Variants in MEGF10 observed in about 807,000 individuals in gnomAD.
MEGF10 encodes the protein multiple epidermal growth factor-like domains protein 10.
A neutral mutation model predicts 147.5 loss-of-function variants in MEGF10; 86 were observed. That is an observed-to-expected ratio of 0.58 (90% CI 0.49 to 0.70). The LOEUF is 0.70. Ranked by LOEUF, MEGF10 falls within the 30% of genes least tolerant of loss-of-function variation. The pLI, the probability that MEGF10 is intolerant of heterozygous loss-of-function variation, is 0.00. For synonymous variants in MEGF10, 478 were observed against 525.5 expected (o/e 0.91, Z 1.24); for missense variants, 1,329 against 1,487.3 (o/e 0.89, Z 1.75).
intron 19 of MEGF10, chr5:127,444,463 A>G (rs1410829697): frequency 6.6e-6 from 1 of 152,210 alleles, no homozygotes; most frequent in East Asian, 1.9e-4. Context: ...GTCCTTCAGC[A>G]TTTAGAATCA....
chr5:127,411,284 A>T (rs1322214161), intron 9 of MEGF10, among the ~76,000 whole-genome samples: 1 of 152,188 alleles, frequency 6.6e-6, no homozygotes, highest in African/African-American at 2.4e-5. Context: ...CAGGGACCAG[A>T]TACACATAAC....
intron 7 of MEGF10, among the ~76,000 whole-genome samples, chr5:127,400,542 G>A (rs1037811969): frequency 1.3e-5 from 2 of 152,226 alleles, no homozygotes; most frequent in Admixed American, 6.5e-5. Flanking sequence ...CCTTTTGCCA[G>A]TGTTGGTCTT....
chr5:127,331,494 A>C lies in MEGF10; in HGVS notation c.116+70A>C, dbSNP rs998148452. On this transcript the variant is annotated intron_variant, in intron 2 of 24. Transcript: ENST00000503335. ...CCCTTATATACTGTAATTATCAGTC[A>C]GATGTATAAAATTAGAATTTGTGAA... 4 of 829,252 alleles carry C rather than the reference A, an allele frequency of 4.8e-6. No individual in the cohort carries two copies. In the African/African-American group the frequency reaches 5.2e-5, roughly 11 times the overall value. 51.4% of individuals were successfully genotyped at this position (829,252 alleles called of 1,614,324 possible).
chr5:127,259,504 A>G, the MEGF10 span, among the ~76,000 whole-genome samples: 2 of 152,134 alleles, frequency 1.3e-5, no homozygotes, highest in South Asian at 4.1e-4. Flanking sequence ...CCTAGAAACT[A>G]TCTGGTTCCT....
intron 4 of MEGF10, among the ~76,000 whole-genome samples, chr5:127,359,742 T>C (rs1355007048): frequency 2.6e-5 from 4 of 152,154 alleles, no homozygotes; most frequent in Admixed American, 6.5e-5. Context: ...TAGGATTCTA[T>C]TGTATAGCTA....
At chr5:127,339,638 A>G (rs565321238) in intron 3 of MEGF10, among the ~76,000 whole-genome samples, 2 of 152,254 alleles carry the variant, frequency 1.3e-5, no homozygotes, top group African/African-American at 4.8e-5. Context: ...TTTTTTTTCT[A>G]TAAATGTGAA....
intron 9 of MEGF10, among the ~76,000 whole-genome samples, chr5:127,414,467 C>T (rs952015689): frequency 6.6e-6 from 1 of 152,102 alleles, no homozygotes; most frequent in Middle Eastern, 3.2e-3. Context: ...TGTGCGTTCA[C>T]TTACAATATC....
intron 4 of MEGF10, among the ~76,000 whole-genome samples, chr5:127,356,864 G>C (rs1762297187): frequency 6.6e-6 from 1 of 152,132 alleles, no homozygotes; most frequent in Admixed American, 6.6e-5. Context: ...CCTATTAAAG[G>C]CTCTGGGAAT....
rs545285733 is a variant in MEGF10 at position 127,359,565 on chromosome 5, A to T, written c.320-10345A>T. Among the ~76,000 whole-genome samples, 123 of 152,144 alleles carry T rather than the reference A, an allele frequency of 8.1e-4. No homozygotes were observed. In the Middle Eastern group the frequency reaches 0.024, roughly 29 times the overall value. The stretch of plus-strand genomic sequence containing the variant: ...CCCCTCCCTGCTCAGGCAACCATTG[A>T]TCAGCTTTCTGTCACTCTAGATTGC... On this transcript the variant is annotated intron_variant, in intron 4 of 24. Transcript: ENST00000503335.
rs997154382 is a variant in MEGF10 at position 127,460,170 on chromosome 5, T to C, written c.*2852T>C. 15 of 152,288 alleles carry C rather than the reference T, an allele frequency of 9.8e-5. No individual in the cohort carries two copies. In the East Asian group the frequency reaches 2.9e-3, roughly 29 times the overall value. The allele number at this position is 152,288 out of a possible 1,614,324, so 9.4% of individuals were successfully genotyped here. A position where few individuals can be genotyped will look rare whatever the true frequency, so the allele number is the denominator to read the frequency against. On this transcript the variant is annotated 3_prime_UTR_variant, in exon 25 of 25. Coordinates refer to ENST00000503335, the MANE Select transcript of MEGF10 (RefSeq NM_001256545.2). ...TTTAGAGATACTTAGCAAATGCCAT[T>C]CATATAGTATTGTTAGCCAAACTAT... is the stretch of plus-strand genomic sequence containing the variant.
At chr5:127,405,174 C>T (rs754765027) in intron 8 of MEGF10, among the ~76,000 whole-genome samples, 2 of 152,098 alleles carry the variant, frequency 1.3e-5, no homozygotes, top group Admixed American at 6.5e-5. Flanking sequence ...AGTTTGAGTG[C>T]TGTTTACAAG....
chr5:127,438,642 G>A (rs995361292), intron 17 of MEGF10, 75 bp downstream of exon 17: 34 of 1,521,418 alleles, frequency 2.2e-5, no homozygotes, highest in African/African-American at 1.5e-4. Context: ...CTCCGCATGC[G>A]TGACTGGAGC....
At chr5:127,442,669 A>C (rs1765798253) in intron 18 of MEGF10, among the ~76,000 whole-genome samples, 1 of 152,198 alleles carries the variant, frequency 6.6e-6, no homozygotes, top group South Asian at 2.1e-4. Context: ...ACTTGTATCA[A>C]ATTGCCCTTA....
In MEGF10 at chr5:127,331,315, A is replaced by G; in HGVS notation, c.7A>G (p.Ile3Val). The G allele has an allele frequency of 6.2e-7, 1 of 1,603,592 alleles. No homozygotes were observed. The highest frequency in any genetic ancestry group is 8.5e-7 in the Non-Finnish European group (1 of 1,172,584). The change falls in exon 2 of 25, where the codon ATT (isoleucine) becomes GTT (valine). Residue 3 changes from isoleucine to valine, a missense_variant. Physicochemically the swap from Ile to Val is conservative, Grantham distance 29 (BLOSUM62 3). Around this residue, in one of 3 missense-constraint regions of MEGF10, gnomAD observed 980 missense variants for 1,085.9 expected, o/e 0.90. Transcript: ENST00000503335. The part of the protein sequence containing the change: MV[I>V]SLNSCLSFIC... Reference sequence around the variant, plus strand: ...GGTTGTTCTTCAGAAAAAAATGGTTATTTCTTTGAACTCATGCCTGAGCTT... The same window carrying G: ...GGTTGTTCTTCAGAAAAAAATGGTTGTTTCTTTGAACTCATGCCTGAGCTT...
the MEGF10 span, among the ~76,000 whole-genome samples, chr5:127,233,090 C>T: frequency 1.3e-5 from 2 of 152,198 alleles, no homozygotes; most frequent in Non-Finnish European, 2.9e-5. Flanking sequence ...TATGGTGGCC[C>T]TATTGTTGAA....
the MEGF10 span, among the ~76,000 whole-genome samples, chr5:127,272,165 T>C: frequency 6.6e-6 from 1 of 152,176 alleles, no homozygotes; most frequent in African/African-American, 2.4e-5. Context: ...CCAGTTCTTA[T>C]GGCACCATTT....
chr5:127,301,249 T>C (rs1759755428), intron 1 of MEGF10, among the ~76,000 whole-genome samples: 1 of 152,162 alleles, frequency 6.6e-6, no homozygotes, highest in Non-Finnish European at 1.5e-5. Context: ...GTCCTTTTTC[T>C]CTTGAGAAGA....
chr5:127,291,996 G>C (rs1329952959), intron 1 of MEGF10, among the ~76,000 whole-genome samples: 12 of 152,178 alleles, frequency 7.9e-5, no homozygotes, highest in Admixed American at 7.2e-4. Context: ...ATTTCTTCTT[G>C]TTCTTCTTGC....
At chr5:127,350,020 A>G (rs571881579) in intron 4 of MEGF10, among the ~76,000 whole-genome samples, 10 of 152,234 alleles carry the variant, frequency 6.6e-5, no homozygotes, top group African/African-American at 2.2e-4. Flanking sequence ...ATCTTATAAG[A>G]TGTGTGGTCC....
Sources: gnomAD v4.1 joint callset for allele counts (sites outside exome capture counted in the v4.1 genomes callset) on GRCh38, gnomAD v4.1.1 for gene constraint, gnomAD v4.1.1 regional missense constraint, MANE v1.5 for transcripts, NCBI Gene and HGNC (gene_info 2026-07-23, HGNC 2026-07-21) for gene names.